The following SPRED1 variants were observed in gnomAD, a reference collection of about 807,000 sequenced individuals.
The protein encoded by SPRED1 is sprouty related EVH1 domain containing 1.
SPRED1 carries 18 observed loss-of-function variants against 52.3 expected under a neutral mutation model. The observed-to-expected ratio is 0.34, with a 90% CI of 0.24 to 0.51. The LOEUF is 0.51. Among genes scored for constraint, SPRED1 ranks in the 20% least tolerant of loss-of-function variants. The pLI is 0.97. For synonymous variants in SPRED1, 155 were observed against 179.7 expected (o/e 0.86, Z 1.10); for missense variants, 485 against 551.0 (o/e 0.88, Z 1.20).
rs1308853529 is a variant in SPRED1 at position 38,352,671 on chromosome 15, G to A, written c.*1007G>A. 1 of 151,902 alleles carries A rather than the reference G, an allele frequency of 6.6e-6. No individual in the cohort carries two copies. 9.4% of individuals were successfully genotyped at this position (151,902 alleles called of 1,614,324 possible). A position where few individuals can be genotyped will look rare whatever the true frequency, so the allele number is the denominator to read the frequency against. Reference sequence around the variant, plus strand: ...ACAAGGCAGAAAGTTTGACTGGATAGTTAGTGTAAAAGCTTCATGTTGAGA... The same window carrying A: ...ACAAGGCAGAAAGTTTGACTGGATAATTAGTGTAAAAGCTTCATGTTGAGA... On this transcript the variant is annotated 3_prime_UTR_variant, in exon 7 of 7. Coordinates refer to ENST00000299084, the MANE Select transcript of SPRED1 (RefSeq NM_152594.3).
intron 2 of SPRED1, among the ~76,000 whole-genome samples, chr15:38,314,689 A>G (rs1229654755): frequency 6.6e-6 from 1 of 151,974 alleles, no homozygotes; most frequent in Non-Finnish European, 1.5e-5. Flanking sequence ...GAGTGAAAAT[A>G]AAATACCTAT....
intron 5 of SPRED1, among the ~76,000 whole-genome samples, chr15:38,347,309 A>T (rs2890904): frequency 0.82 from 125,198 of 152,024 alleles, 52,358 homozygotes; most frequent in Non-Finnish European, 0.9. Flanking sequence ...ACCATATCTG[A>T]CACATCAATT....
chr15:38,310,154 T>TGTGTGTGTG (rs1566863248), intron 2 of SPRED1, among the ~76,000 whole-genome samples: 8 of 6,216 alleles, frequency 1.3e-3, no homozygotes, highest in Non-Finnish European at 3.7e-3. Context: ...TGTGTGTGTG[T>TGTGTGTGTG]TTGGAGACGA....
chr15:38,280,100 G>T (rs920177482), intron 1 of SPRED1, among the ~76,000 whole-genome samples: 5 of 151,830 alleles, frequency 3.3e-5, no homozygotes, highest in Non-Finnish European at 7.4e-5. Context: ...CTATAATTTT[G>T]CCCCTGGTAA....
chr15:38,260,537 G>A (rs539118198), intron 1 of SPRED1, among the ~76,000 whole-genome samples: 2 of 152,090 alleles, frequency 1.3e-5, no homozygotes, highest in Non-Finnish European at 1.5e-5. Context: ...ATTGCTGTTA[G>A]CTGTTACAGC....
chr15:38,304,786 C>T (rs1040415839), intron 2 of SPRED1, among the ~76,000 whole-genome samples: 1 of 151,990 alleles, frequency 6.6e-6, no homozygotes, highest in African/African-American at 2.4e-5. Flanking sequence ...TTTTTTATTC[C>T]CCTCCTACTG....
Position 38,309,337 on chromosome 15 carries a change from C to T in SPRED1, c.207+9790C>T, listed in dbSNP as rs1895315468. ...TGTATTTTTACTAGAGATGGGGTTT[C>T]ACCATGTTGGCCAGGCTGGTCTTGA... On this transcript the variant is annotated intron_variant, in intron 2 of 6. Transcript: ENST00000299084. 2.0e-5 allele frequency among the ~76,000 whole-genome samples: 3 copies of T among 152,290 alleles called. No homozygotes were observed. The South Asian group carries it at 6.2e-4, about 32-fold the overall frequency.
At chr15:38,298,471 T>G (rs1275960582) in intron 1 of SPRED1, 6 of 287,292 alleles carry the variant, frequency 2.1e-5, no homozygotes, top group African/African-American at 1.4e-4. Flanking sequence ...TAAGAAAGAA[T>G]AAATTATGAT....
intron 5 of SPRED1, among the ~76,000 whole-genome samples, chr15:38,342,992 T>A (rs1378077077): frequency 6.6e-6 from 1 of 152,116 alleles, no homozygotes; most frequent in Non-Finnish European, 1.5e-5. Context: ...CTATTAGCGG[T>A]AGGGAATCAC....
intron 1 of SPRED1, among the ~76,000 whole-genome samples, chr15:38,283,186 A>C (rs1158188591): frequency 6.6e-6 from 1 of 152,218 alleles, no homozygotes; most frequent in Non-Finnish European, 1.5e-5. Context: ...CGCCTTCCTC[A>C]CAAGGCGACA....
At chr15:38,264,811 C>A (rs1480094198) in intron 1 of SPRED1, among the ~76,000 whole-genome samples, 2 of 151,918 alleles carry the variant, frequency 1.3e-5, no homozygotes, top group Non-Finnish European at 2.9e-5. Flanking sequence ...AAGGGTTTAG[C>A]TGGGAAGATT....
chr15:38,326,645 A>G (rs1895714204), intron 4 of SPRED1, among the ~76,000 whole-genome samples: 1 of 152,144 alleles, frequency 6.6e-6, no homozygotes, highest in Non-Finnish European at 1.5e-5. Flanking sequence ...CTCATTTATG[A>G]GTGTGCTTTT....
At chr15:38,283,567 A>G in intron 1 of SPRED1, 1 of 889,786 alleles carries the variant, frequency 1.1e-6, no homozygotes, top group Non-Finnish European at 1.3e-6. Flanking sequence ...GACATAGAAA[A>G]TTGTAGAAAA....
At chr15:38,342,790 C>T (rs1896054828) in intron 5 of SPRED1, among the ~76,000 whole-genome samples, 1 of 152,010 alleles carries the variant, frequency 6.6e-6, no homozygotes. Context: ...TATAAAGCTT[C>T]TGGAATCTGT....
intron 1 of SPRED1, among the ~76,000 whole-genome samples, chr15:38,269,706 A>T (rs1476497955): frequency 6.6e-6 from 1 of 152,242 alleles, no homozygotes; most frequent in Non-Finnish European, 1.5e-5. Context: ...CAGTGAGTAC[A>T]ATAGAACATT....
At chr15:38,310,789 A>T (rs192830219) in intron 2 of SPRED1, among the ~76,000 whole-genome samples, 53 of 152,358 alleles carry the variant, frequency 3.5e-4, no homozygotes, top group African/African-American at 1.3e-3. Flanking sequence ...GTATATAGAC[A>T]TGCTATTAAT....
chr15:38,340,602 G>A (rs969576541), intron 5 of SPRED1, among the ~76,000 whole-genome samples: 3 of 151,684 alleles, frequency 2.0e-5, no homozygotes, highest in African/African-American at 7.3e-5. Context: ...GCATGATCTT[G>A]GCTCACTGCA....
chr15:38,349,366 G>T (rs1896204355), intron 5 of SPRED1, 56 bp from the exon 6 acceptor site: 5 of 1,351,270 alleles, frequency 3.7e-6, no homozygotes, highest in Non-Finnish European at 5.3e-6. Context: ...ACACTGTACA[G>T]TTTCATTAAA....
At chr15:38,292,664 C>T (rs1161009399) in intron 1 of SPRED1, among the ~76,000 whole-genome samples, 2 of 152,110 alleles carry the variant, frequency 1.3e-5, no homozygotes, top group Admixed American at 6.6e-5. Flanking sequence ...AAAGACCGGC[C>T]CCCATGATTC....
Sources: gnomAD v4.1 joint callset for allele counts (sites outside exome capture counted in the v4.1 genomes callset) on GRCh38, gnomAD v4.1.1 for gene constraint, MANE v1.5 for transcripts, NCBI Gene and HGNC (gene_info 2026-07-23, HGNC 2026-07-21) for gene names.